Variants in ZNF385D observed in about 807,000 individuals in gnomAD.
ZNF385D encodes the protein zinc finger protein 659.
Under a neutral mutation model 35.8 loss-of-function variants are expected in ZNF385D, and 15 were observed. The ratio of observed to expected loss-of-function variants is 0.42; its 90% CI spans 0.28 to 0.64. The LOEUF is 0.64. ZNF385D is among the 30% of genes least tolerant of loss of function. The pLI is 0.23. For synonymous variants in ZNF385D, 212 were observed against 186.8 expected (o/e 1.13, Z -1.10); for missense variants, 474 against 494.6 (o/e 0.96, Z 0.39).
chr3:22,237,427 G>A (rs530195297), intron 2 of ZNF385D, among the ~76,000 whole-genome samples: 5 of 152,158 alleles, frequency 3.3e-5, no homozygotes, highest in South Asian at 2.1e-4. Context: ...CTACATATAT[G>A]ATTTGCAAAT....
At chr3:22,135,798 C>G (rs1328842174) in intron 3 of ZNF385D, among the ~76,000 whole-genome samples, 1 of 152,106 alleles carries the variant, frequency 6.6e-6, no homozygotes, top group East Asian at 1.9e-4. Context: ...ACCAATATAA[C>G]AGAAGAGAGA....
At chr3:21,627,250 TG>T (rs1164167124) in intron 2 of ZNF385D, among the ~76,000 whole-genome samples, 35 of 70,062 alleles carry the variant, frequency 5.0e-4, no homozygotes, top group African/African-American at 1.2e-3. Flanking sequence ...GTGTAGGGTG[TG>T]TGTGTGTGTG....
chr3:22,014,004 C>G (rs879825799), intron 3 of ZNF385D, among the ~76,000 whole-genome samples: 1 of 151,988 alleles, frequency 6.6e-6, no homozygotes, highest in Admixed American at 6.6e-5. Flanking sequence ...ATTGGCAGGA[C>G]AGATTGCAAA....
intron 3 of ZNF385D, among the ~76,000 whole-genome samples, chr3:22,057,765 C>T (rs1036453524): frequency 2.6e-5 from 4 of 152,218 alleles, no homozygotes; most frequent in African/African-American, 9.6e-5. Context: ...CCACCTGCCT[C>T]GGCCTCCCAA....
At chr3:22,315,922 T>C (rs948658942) in intron 2 of ZNF385D, among the ~76,000 whole-genome samples, 6 of 152,202 alleles carry the variant, frequency 3.9e-5, no homozygotes, top group Admixed American at 6.6e-5. Flanking sequence ...TGCTAAAAAG[T>C]AGGCATAGTT....
chr3:21,424,962 A>T (rs961497645), intron 6 of ZNF385D, among the ~76,000 whole-genome samples: 1 of 152,212 alleles, frequency 6.6e-6, no homozygotes, highest in Non-Finnish European at 1.5e-5. Flanking sequence ...TTGGAAGACT[A>T]TTCATAGTAA....
chr3:22,193,431 C>G (rs1472800780), intron 2 of ZNF385D, among the ~76,000 whole-genome samples: 2 of 151,948 alleles, frequency 1.3e-5, no homozygotes, highest in Non-Finnish European at 2.9e-5. Context: ...TTTCCCAAAA[C>G]TTATTATATA....
intron 3 of ZNF385D, among the ~76,000 whole-genome samples, chr3:21,768,371 G>A (rs4353825): frequency 0.18 from 26,973 of 151,996 alleles, 2,910 homozygotes; most frequent in Non-Finnish European, 0.24. Context: ...ATCCTGGGAA[G>A]TAGCAGAGTA....
At chr3:21,568,796 T>C (rs2063234078) in intron 2 of ZNF385D, among the ~76,000 whole-genome samples, 1 of 152,166 alleles carries the variant, frequency 6.6e-6, no homozygotes, top group Admixed American at 6.6e-5. Context: ...GAAAATTATT[T>C]TTAAAATATA....
intron 2 of ZNF385D, among the ~76,000 whole-genome samples, chr3:22,339,097 A>G (rs1300119109): frequency 1.3e-5 from 2 of 152,238 alleles, no homozygotes; most frequent in Non-Finnish European, 2.9e-5. Context: ...ACACACATAC[A>G]TGCACATTTT....
At chr3:22,029,859 G>A (rs901867642) in intron 3 of ZNF385D, among the ~76,000 whole-genome samples, 5 of 152,060 alleles carry the variant, frequency 3.3e-5, no homozygotes, top group African/African-American at 4.8e-5. Flanking sequence ...AAGTTGACAA[G>A]GGGTGGACTT....
intron 2 of ZNF385D, among the ~76,000 whole-genome samples, chr3:22,315,766 G>A (rs891514991): frequency 6.6e-6 from 1 of 152,122 alleles, no homozygotes; most frequent in African/African-American, 2.4e-5. Flanking sequence ...CACCATGGGA[G>A]GAATTTAGTT....
chr3:21,965,499 A>AGTAACT (rs3074810), intron 3 of ZNF385D, among the ~76,000 whole-genome samples: 21,045 of 152,116 alleles, frequency 0.14, 3,505 homozygotes, highest in African/African-American at 0.4. Flanking sequence ...CATCCCTCAG[A>AGTAACT]GTAACTGGCT....
chr3:22,134,832 CAT>C (rs2125692842), intron 3 of ZNF385D, among the ~76,000 whole-genome samples: 1 of 152,184 alleles, frequency 6.6e-6, no homozygotes, highest in East Asian at 1.9e-4. Context: ...GGGTCTAACT[CAT>C]ACTTTTATAA....
chr3:21,857,244 T>C (rs1016110801), intron 3 of ZNF385D, among the ~76,000 whole-genome samples: 2 of 152,088 alleles, frequency 1.3e-5, no homozygotes, highest in African/African-American at 2.4e-5. Flanking sequence ...TATATTTTTA[T>C]TGATGGTTTC....
At chr3:22,063,121 AAAG>A (rs1389733849) in intron 3 of ZNF385D, among the ~76,000 whole-genome samples, 2 of 152,204 alleles carry the variant, frequency 1.3e-5, no homozygotes, top group Non-Finnish European at 2.9e-5. Context: ...TTTCTCACTA[AAAG>A]AAGACATTCC....
At chr3:22,356,440 G>A (rs1206093774) in intron 2 of ZNF385D, among the ~76,000 whole-genome samples, 1 of 151,844 alleles carries the variant, frequency 6.6e-6, no homozygotes, top group Non-Finnish European at 1.5e-5. Flanking sequence ...AATAGTGAGG[G>A]CAAATCTAAG....
intron 3 of ZNF385D, among the ~76,000 whole-genome samples, chr3:21,873,205 T>G (rs77997761): frequency 0.09 from 13,759 of 152,160 alleles, 772 homozygotes; most frequent in East Asian, 0.15. Context: ...GATATATAAG[T>G]GTATAAGTGT....
chr3:22,228,710 G>C (rs985144787), intron 2 of ZNF385D, among the ~76,000 whole-genome samples: 4 of 152,140 alleles, frequency 2.6e-5, no homozygotes, highest in African/African-American at 9.7e-5. Flanking sequence ...TGAGCCAGTG[G>C]ACTGGGAGTG....
Sources: gnomAD v4.1 joint callset for allele counts (sites outside exome capture counted in the v4.1 genomes callset) on GRCh38, gnomAD v4.1.1 for gene constraint, MANE v1.5 for transcripts, NCBI Gene and HGNC (gene_info 2026-07-23, HGNC 2026-07-21) for gene names.